FSTL4: variants seen among roughly 807,000 people sequenced by gnomAD.
FSTL4 encodes follistatin like 4.
A neutral mutation model predicts 78.2 loss-of-function variants in FSTL4; 28 were observed. The ratio of observed to expected loss-of-function variants is 0.36; its 90% confidence interval spans 0.27 to 0.49. The LOEUF (loss-of-function observed/expected upper bound fraction) is 0.49, where lower values mean the gene tolerates loss of function less well. FSTL4 is among the 20% of genes least tolerant of loss of function. FSTL4 has a pLI of 0.98. For synonymous variants in FSTL4, 422 were observed against 440.5 expected (o/e 0.96, Z 0.53); for missense variants, 922 against 1,084.9 (o/e 0.85, Z 2.11).
the FSTL4 span, among the ~76,000 whole-genome samples, chr5:133,676,035 AG>A: frequency 2.0e-5 from 3 of 152,170 alleles, no homozygotes; most frequent in East Asian, 5.8e-4. Flanking sequence ...ACCAGGTGCC[AG>A]GGGGCTGGGA....
the FSTL4 span, among the ~76,000 whole-genome samples, chr5:133,743,389 G>A: frequency 2.0e-5 from 3 of 152,220 alleles, no homozygotes; most frequent in Admixed American, 2.0e-4. Flanking sequence ...AGTGGTTCTG[G>A]TACGGTACCT....
At chr5:133,792,756 T>A in the FSTL4 span, among the ~76,000 whole-genome samples, 1 of 152,194 alleles carries the variant, frequency 6.6e-6, no homozygotes, top group African/African-American at 2.4e-5. Context: ...TTATATTAAA[T>A]GAGACATCCC....
chr5:133,200,486 G>C (rs896678701), intron 15 of FSTL4, among the ~76,000 whole-genome samples: 1 of 152,262 alleles, frequency 6.6e-6, no homozygotes. Context: ...CCTGGGGCAG[G>C]CTGCTTGCCT....
intron 6 of FSTL4, among the ~76,000 whole-genome samples, chr5:133,273,383 C>T (rs1173996718): frequency 6.6e-6 from 1 of 152,192 alleles, no homozygotes; most frequent in Non-Finnish European, 1.5e-5. Context: ...TGCTCAGCAG[C>T]CACACATACC....
At chr5:133,378,554 G>A (rs1755495703) in intron 4 of FSTL4, among the ~76,000 whole-genome samples, 1 of 152,038 alleles carries the variant, frequency 6.6e-6, no homozygotes, top group South Asian at 2.1e-4. Flanking sequence ...ATTTAAATCA[G>A]TAAATTTAAA....
chr5:133,558,871 G>T (rs2112935548), intron 3 of FSTL4, among the ~76,000 whole-genome samples: 1 of 152,276 alleles, frequency 6.6e-6, no homozygotes. Context: ...GCCAAATGCA[G>T]AGTGAGTGAG....
At chr5:133,285,015 A>G (rs1561656781) in intron 6 of FSTL4, among the ~76,000 whole-genome samples, 1 of 152,190 alleles carries the variant, frequency 6.6e-6, no homozygotes, top group African/African-American at 2.4e-5. Context: ...AAGGCTCTGG[A>G]GTAAGTGGGC....
At chr5:133,336,713 G>T (rs1315935350) in intron 4 of FSTL4, among the ~76,000 whole-genome samples, 1 of 152,122 alleles carries the variant, frequency 6.6e-6, no homozygotes, top group Non-Finnish European at 1.5e-5. Context: ...CTGTCCCATG[G>T]TTCCCTGCAG....
At chr5:133,624,028 G>C in the FSTL4 span, among the ~76,000 whole-genome samples, 2 of 151,998 alleles carry the variant, frequency 1.3e-5, no homozygotes, top group East Asian at 3.8e-4. Flanking sequence ...TTGTTCAGTC[G>C]TGGAAGACAG....
Position 133,440,168 on chromosome 5 carries a change from G to A in FSTL4, c.161-39182C>T, listed in dbSNP as rs1190317130. Among the ~76,000 whole-genome samples the A allele has an allele frequency of 6.6e-6, 1 of 152,144 alleles. No individual in the cohort carries two copies. The highest frequency in any genetic ancestry group is 1.5e-5 in the Non-Finnish European group (1 of 68,020). The stretch of plus-strand genomic sequence containing the variant: ...TACAGGAGAGAGCTCTGGAACCCGG[G>A]GCTACACCCATTCACTGAATAATTT... On this transcript the variant is annotated intron_variant, in intron 3 of 15. Coordinates refer to ENST00000265342, the MANE Select transcript of FSTL4 (RefSeq NM_015082.2). This position sits in a 1 kb window ranked among gnomAD's most constrained non-coding sequence, Gnocchi z 4.1.
chr5:133,592,532 G>A (rs1285408673), intron 2 of FSTL4, among the ~76,000 whole-genome samples: 1 of 152,138 alleles, frequency 6.6e-6, no homozygotes, highest in Non-Finnish European at 1.5e-5. Flanking sequence ...TGGACAACTG[G>A]TGCTATGGTT....
At chr5:133,526,760 G>A (rs1759109636) in intron 3 of FSTL4, among the ~76,000 whole-genome samples, 1 of 152,162 alleles carries the variant, frequency 6.6e-6, no homozygotes, top group Non-Finnish European at 1.5e-5. Context: ...GTAGCAGGAG[G>A]AGATGGGATG....
At chr5:133,311,264 C>T (rs1753775732) in intron 6 of FSTL4, among the ~76,000 whole-genome samples, 2 of 152,144 alleles carry the variant, frequency 1.3e-5, no homozygotes, top group Non-Finnish European at 2.9e-5. Context: ...AACACCTCCG[C>T]AGCAGGATAA....
intron 8 of FSTL4, among the ~76,000 whole-genome samples, chr5:133,231,574 CCT>C (rs1223550258): frequency 2.6e-5 from 4 of 152,098 alleles, no homozygotes; most frequent in Non-Finnish European, 1.5e-5. Flanking sequence ...ATAGAGTCTC[CCT>C]CTGTCGCCCA....
At chr5:133,684,112 GAA>G in the FSTL4 span, among the ~76,000 whole-genome samples, 1 of 152,266 alleles carries the variant, frequency 6.6e-6, no homozygotes, top group Admixed American at 6.5e-5. Context: ...GCGAGAGAGA[GAA>G]GTGATGCTAC....
intron 7 of FSTL4, among the ~76,000 whole-genome samples, chr5:133,243,482 T>G (rs1313219927): frequency 1.3e-5 from 2 of 152,226 alleles, no homozygotes; most frequent in Non-Finnish European, 2.9e-5. Context: ...CAGGGACCCA[T>G]ATCCAATTTG....
intron 4 of FSTL4, among the ~76,000 whole-genome samples, chr5:133,346,836 C>T (rs1754705939): frequency 6.6e-6 from 1 of 152,124 alleles, no homozygotes; most frequent in East Asian, 1.9e-4. Flanking sequence ...GACTTTTAAT[C>T]TAAGTTGTGG....
At chr5:133,717,796 T>A in the FSTL4 span, among the ~76,000 whole-genome samples, 3,537 of 152,348 alleles carry the variant, frequency 0.023, 148 homozygotes, top group African/African-American at 0.08. Context: ...ATCATGCAGA[T>A]ACACCATACT....
chr5:133,795,165 AG>A, the FSTL4 span, among the ~76,000 whole-genome samples: 356 of 152,354 alleles, frequency 2.3e-3, 5 homozygotes, highest in African/African-American at 8.2e-3. Flanking sequence ...TCCTGGCCCC[AG>A]GTGAGCTTTA....
Sources: gnomAD v4.1 joint callset for allele counts (sites outside exome capture counted in the v4.1 genomes callset) on GRCh38, gnomAD v4.1.1 for gene constraint, Gnocchi (gnomAD v3.1) non-coding constraint, MANE v1.5 for transcripts, NCBI Gene and HGNC (gene_info 2026-07-23, HGNC 2026-07-21) for gene names.